RBFOX1: variants seen among roughly 807,000 people sequenced by gnomAD.
RBFOX1 encodes RNA binding protein fox-1 homolog 1.
In RBFOX1, 8 loss-of-function variants were observed where a neutral mutation model predicts 57.7. The ratio of observed to expected loss-of-function variants is 0.14; its 90% CI spans 0.08 to 0.25. The LOEUF is 0.25. Ranked by LOEUF, RBFOX1 falls within the 10% of genes least tolerant of loss-of-function variation. RBFOX1 has a pLI of 1.00. For missense variants in RBFOX1, 611 were observed against 548.5 expected, an observed-to-expected ratio of 1.11 and a Z score of -1.14; for synonymous variants, 326 against 222.4, an observed-to-expected ratio of 1.47 and a Z score of -4.15.
intron 4 of RBFOX1, among the ~76,000 whole-genome samples, chr16:7,214,522 C>G (rs1005648803): frequency 1.3e-5 from 2 of 152,020 alleles, no homozygotes; most frequent in Non-Finnish European, 2.9e-5. Context: ...CCTCATCCGT[C>G]TCTCAGACAG....
chr16:6,110,662 A>G (rs1310909603), intron 1 of RBFOX1, among the ~76,000 whole-genome samples: 1 of 152,184 alleles, frequency 6.6e-6, no homozygotes, highest in Non-Finnish European at 1.5e-5. Flanking sequence ...TGAAATAGGA[A>G]CGGAGGAGTT....
chr16:5,526,451 G>A (rs1272509027), intron 2 of RBFOX1, among the ~76,000 whole-genome samples: 1 of 152,064 alleles, frequency 6.6e-6, no homozygotes, highest in Non-Finnish European at 1.5e-5. Context: ...ACCATGTCCG[G>A]CTAATTTTTG....
chr16:6,318,001 A>C (rs184014198), intron 2 of RBFOX1, among the ~76,000 whole-genome samples: 3 of 152,324 alleles, frequency 2.0e-5, no homozygotes, highest in Non-Finnish European at 4.4e-5. Flanking sequence ...GAGCAGGTAG[A>C]ATTGGAGGAC....
intron 4 of RBFOX1, among the ~76,000 whole-genome samples, chr16:7,387,713 T>A (rs2097908554): frequency 6.6e-6 from 1 of 152,114 alleles, no homozygotes; most frequent in African/African-American, 2.4e-5. Context: ...CTGTGGGCCA[T>A]CATGGTACAC....
intron 1 of RBFOX1, among the ~76,000 whole-genome samples, chr16:6,174,340 A>G (rs1412930660): frequency 6.6e-6 from 1 of 152,210 alleles, no homozygotes; most frequent in Admixed American, 6.5e-5. Flanking sequence ...CATGCCTGTC[A>G]TCTGAACACT....
chr16:6,866,583 C>T (rs563028258), intron 3 of RBFOX1, among the ~76,000 whole-genome samples: 1 of 122,738 alleles, frequency 8.1e-6, no homozygotes, highest in Admixed American at 1.1e-4. Flanking sequence ...GCTCTGTCCC[C>T]CAGGCTGGAG....
At chr16:6,114,900 C>G (rs1447934883) in intron 1 of RBFOX1, among the ~76,000 whole-genome samples, 2 of 152,034 alleles carry the variant, frequency 1.3e-5, no homozygotes, top group African/African-American at 4.8e-5. Context: ...CCAGAGTTGG[C>G]AACATACGGG....
At chr16:7,298,026 G>GTTTGATT (rs761357411) in intron 4 of RBFOX1, among the ~76,000 whole-genome samples, 58 of 152,060 alleles carry the variant, frequency 3.8e-4, no homozygotes, top group Non-Finnish European at 7.1e-4. Context: ...GTTTGTTTTG[G>GTTTGATT]TTTGATTTTT....
At chr16:6,751,175 T>TA (rs1284047155) in intron 3 of RBFOX1, among the ~76,000 whole-genome samples, 2 of 152,126 alleles carry the variant, frequency 1.3e-5, no homozygotes, top group Non-Finnish European at 2.9e-5. Flanking sequence ...TTATTCGAAA[T>TA]ACAATGGGAA....
intron 4 of RBFOX1, among the ~76,000 whole-genome samples, chr16:7,085,023 TACTC>T (rs2059776678): frequency 6.6e-6 from 1 of 152,178 alleles, no homozygotes; most frequent in African/African-American, 2.4e-5. Flanking sequence ...GTCAGTGTCT[TACTC>T]AGAATGGAAA....
chr16:7,577,601 C>T lies in RBFOX1; in HGVS notation c.271-2176C>T, dbSNP rs563631455. Among the ~76,000 whole-genome samples the T allele has an allele frequency of 4.6e-5, 7 of 152,296 alleles. No homozygotes were observed. In the East Asian group the frequency reaches 1.4e-3, roughly 29 times the overall value. ...CAGCCCTTTGTGATTGCCTCTTATC[C>T]CAACATTTACCAGTCTCTGGGGATG... On this transcript the variant is annotated intron_variant, in intron 5 of 15. Coordinates refer to ENST00000550418, the MANE Select transcript of RBFOX1 (RefSeq NM_018723.4).
At chr16:5,756,906 G>C (rs1045537060) in intron 3 of RBFOX1, among the ~76,000 whole-genome samples, 1 of 152,040 alleles carries the variant, frequency 6.6e-6, no homozygotes, top group Non-Finnish European at 1.5e-5. Flanking sequence ...AAATATAAGG[G>C]TTCTACAAGA....
At position 6,969,061 on chromosome 16, in the gene RBFOX1, G is replaced by T. The variant is rs148110149; in HGVS notation, c.-15-82996G>T. Among the ~76,000 whole-genome samples, 79 of 152,180 alleles carry T rather than the reference G, an allele frequency of 5.2e-4. 1 individual carries two copies. The highest frequency in any genetic ancestry group is 4.4e-3 in the Admixed American group (67 of 15,286). On this transcript the variant is annotated intron_variant, in intron 3 of 15. Transcript: ENST00000550418. Reference sequence around the variant, plus strand: ...TGTAGTTAATACAGTTCCCATCCGAGAGGTGTCAAGAGCACTTACAGGAGA... The same window carrying T: ...TGTAGTTAATACAGTTCCCATCCGATAGGTGTCAAGAGCACTTACAGGAGA...
chr16:5,968,197 C>A (rs1398803041), intron 4 of RBFOX1, among the ~76,000 whole-genome samples: 1 of 152,146 alleles, frequency 6.6e-6, no homozygotes, highest in East Asian at 1.9e-4. Flanking sequence ...GTTTCAGCCT[C>A]CCCAGTAGCT....
chr16:6,112,693 A>T (rs1003662894), intron 1 of RBFOX1, among the ~76,000 whole-genome samples: 1 of 152,186 alleles, frequency 6.6e-6, no homozygotes, highest in East Asian at 1.9e-4. Context: ...CTCCGTCTCA[A>T]AAAAACACCT....
At chr16:6,949,076 G>T (rs992813867) in intron 3 of RBFOX1, among the ~76,000 whole-genome samples, 1 of 152,134 alleles carries the variant, frequency 6.6e-6, no homozygotes, top group African/African-American at 2.4e-5. Context: ...CAAAGCTATT[G>T]TCAAGGTTTC....
chr16:5,694,322 C>T (rs564849956), intron 3 of RBFOX1, among the ~76,000 whole-genome samples: 1 of 152,308 alleles, frequency 6.6e-6, no homozygotes, highest in East Asian at 1.9e-4. Context: ...TTTACCTTGT[C>T]ATTATAGAGC....
At chr16:5,924,281 G>A (rs529171568) in intron 4 of RBFOX1, among the ~76,000 whole-genome samples, 2 of 152,152 alleles carry the variant, frequency 1.3e-5, no homozygotes, top group East Asian at 1.9e-4. Flanking sequence ...GAGTAAGAAT[G>A]GACTAATACA....
At chr16:6,914,815 G>C (rs1278077740) in intron 3 of RBFOX1, among the ~76,000 whole-genome samples, 2 of 152,176 alleles carry the variant, frequency 1.3e-5, no homozygotes, top group Non-Finnish European at 2.9e-5. Context: ...TGAAGCCCAG[G>C]AGTTCAAGGC....
Sources: allele counts gnomAD v4.1 joint callset (sites outside exome capture counted in the v4.1 genomes callset), GRCh38; gene constraint gnomAD v4.1.1; transcripts MANE v1.5; gene names NCBI Gene and HGNC (gene_info 2026-07-23, HGNC 2026-07-21).